The following SOBP variants were observed in gnomAD, a reference collection of about 807,000 sequenced individuals.
SOBP encodes sine oculis binding protein homolog, also known as sine oculis-binding protein homolog.
In SOBP, 4 loss-of-function variants were observed where a neutral mutation model predicts 53.6. That is an observed-to-expected ratio of 0.07 (90% CI 0.04 to 0.17). SOBP has a LOEUF of 0.17. Ranked by LOEUF, SOBP falls within the 10% of genes least tolerant of loss-of-function variation. The pLI is 1.00. For missense variants in SOBP, 1,088 were observed against 1,204.7 expected (o/e 0.90, Z 1.43); for synonymous variants, 584 against 522.6 (o/e 1.12, Z -1.60).
At chr6:107,547,290 G>C (rs1280656074) in intron 4 of SOBP, among the ~76,000 whole-genome samples, 1 of 152,152 alleles carries the variant, frequency 6.6e-6, no homozygotes, top group Non-Finnish European at 1.5e-5. Flanking sequence ...AGGAGAACTT[G>C]GTCCCATCTG....
intron 4 of SOBP, among the ~76,000 whole-genome samples, chr6:107,535,613 TTGTGTGTG>T (rs561695029): frequency 2.0e-5 from 3 of 148,074 alleles, no homozygotes; most frequent in East Asian, 2.0e-4. Context: ...CTATGCCTTC[TTGTGTGTG>T]TGTGTGTGTG....
intron 5 of SOBP, among the ~76,000 whole-genome samples, chr6:107,604,899 T>C (rs1339992747): frequency 6.6e-6 from 1 of 152,338 alleles, no homozygotes; most frequent in East Asian, 1.9e-4. Flanking sequence ...GTGAAGGGCA[T>C]TTATGTCACA....
At position 107,507,760 on chromosome 6, in the gene SOBP, T is replaced by C. The variant is rs576854994; in HGVS notation, c.421+1333T>C. ...ATATCTTCTCCAACAGAGTGTTTTC[T>C]AATTCCTGGAAAGCTCTCTTTGAGA... On this transcript the variant is annotated intron_variant, in intron 3 of 6. Coordinates refer to ENST00000317357, the MANE Select transcript of SOBP (RefSeq NM_018013.4). 6.6e-5 allele frequency among the ~76,000 whole-genome samples: 10 copies of C among 152,340 alleles called. No homozygotes were observed. The South Asian group carries it at 2.1e-3, about 32-fold the overall frequency.
chr6:107,585,851 C>G (rs1379704003), intron 4 of SOBP, among the ~76,000 whole-genome samples: 2 of 152,146 alleles, frequency 1.3e-5, no homozygotes, highest in Admixed American at 1.3e-4. Context: ...CCAGTATAGC[C>G]AGGGAGCTCT....
intron 1 of SOBP, among the ~76,000 whole-genome samples, chr6:107,498,746 G>A (rs1379094556): frequency 6.6e-6 from 1 of 152,160 alleles, no homozygotes; most frequent in African/African-American, 2.4e-5. Context: ...GTAAAATTTA[G>A]TTTCCACCTA....
chr6:107,566,597 G>A (rs1338348576), intron 4 of SOBP, among the ~76,000 whole-genome samples: 1 of 152,144 alleles, frequency 6.6e-6, no homozygotes, highest in Non-Finnish European at 1.5e-5. Context: ...ATTTTCTCTG[G>A]CTGTCTGCTC....
At position 107,661,276 on chromosome 6, in the gene SOBP, C is replaced by CA. The variant is rs1009380717; in HGVS notation, c.*3077dup. On this transcript the variant is annotated 3_prime_UTR_variant, in exon 7 of 7. Transcript: ENST00000317357. The stretch of plus-strand genomic sequence containing the variant: ...TGAATGCACAATTCTCTTGGGATAT[C>CA]AAAACCATATATAAAGAGAAATAGA... Among the ~76,000 whole-genome samples, 1 of 152,170 alleles carries CA rather than the reference C, an allele frequency of 6.6e-6. No individual in the cohort carries two copies. Among genetic ancestry groups the CA allele is most frequent in the African/African-American group, 2.4e-5 (1 of 41,420 alleles).
chr6:107,615,289 G>C (rs1786744976), intron 5 of SOBP, among the ~76,000 whole-genome samples: 1 of 152,196 alleles, frequency 6.6e-6, no homozygotes, highest in Non-Finnish European at 1.5e-5. Context: ...TAGGGTAGGA[G>C]TAATGAAATA....
chr6:107,647,484 G>A lies in SOBP; in HGVS notation c.*4-10723G>A, dbSNP rs545423636. 8.5e-4 allele frequency among the ~76,000 whole-genome samples: 129 copies of A among 152,304 alleles called. 1 individual carries two copies. The highest frequency in any genetic ancestry group is 3.4e-3 in the Middle Eastern group (1 of 294). On this transcript the variant is annotated intron_variant, in intron 6 of 6. Transcript: ENST00000317357. ...AAAATGTCCGGGAGCTACCTGGCTC[G>A]TAGTAGATGCTTATTACAAAAATTG...
At chr6:107,511,571 A>G (rs1261324837) in intron 3 of SOBP, 1 of 152,202 alleles carries the variant, frequency 6.6e-6, no homozygotes, top group Non-Finnish European at 1.5e-5. Flanking sequence ...GATCCCATCC[A>G]TGTCTTGGCA....
chr6:107,491,757 A>G (rs1400996621), intron 1 of SOBP, among the ~76,000 whole-genome samples: 2 of 152,152 alleles, frequency 1.3e-5, no homozygotes, highest in African/African-American at 2.4e-5. Flanking sequence ...TCTGCATGAA[A>G]TCCTTAATAC....
intron 5 of SOBP, among the ~76,000 whole-genome samples, chr6:107,607,358 G>C (rs1002107537): frequency 2.0e-5 from 3 of 152,214 alleles, no homozygotes; most frequent in African/African-American, 7.2e-5. Flanking sequence ...TTCTGGGACA[G>C]GCCCAACATG....
intron 5 of SOBP, among the ~76,000 whole-genome samples, chr6:107,619,435 A>C (rs1484369176): frequency 6.6e-6 from 1 of 152,192 alleles, no homozygotes; most frequent in Non-Finnish European, 1.5e-5. Flanking sequence ...GGCAGCCTGC[A>C]CTGAGAACCT....
chr6:107,629,529 G>C (rs1425729666), intron 5 of SOBP, among the ~76,000 whole-genome samples: 3 of 152,054 alleles, frequency 2.0e-5, no homozygotes, highest in Non-Finnish European at 4.4e-5. Context: ...TGACTTTGAC[G>C]TTTATATAAA....
chr6:107,490,578 A>C lies in SOBP; in HGVS notation c.-39A>C. The C allele has an allele frequency of 6.7e-7, 1 of 1,494,366 alleles. No individual in the cohort carries two copies. Among genetic ancestry groups the C allele is most frequent in the Admixed American group, 1.9e-5 (1 of 53,240 alleles). The allele number at this position is 1,494,366 out of a possible 1,614,324, so 92.6% of individuals were successfully genotyped here. ...CGCCACCACCACCGCCGGCGGCGGCAGCAGCCATTTCATCTCCACAGAAAC... is the reference window on the plus strand; with the variant it reads ...CGCCACCACCACCGCCGGCGGCGGCCGCAGCCATTTCATCTCCACAGAAAC... On this transcript the variant is annotated 5_prime_UTR_variant, in exon 1 of 7. Coordinates refer to ENST00000317357, the MANE Select transcript of SOBP (RefSeq NM_018013.4).
At chr6:107,531,453 A>G (rs1562593515) in intron 3 of SOBP, among the ~76,000 whole-genome samples, 1 of 152,196 alleles carries the variant, frequency 6.6e-6, no homozygotes, top group Non-Finnish European at 1.5e-5. Context: ...AAGATAGGTG[A>G]ATATTTTAAA....
chr6:107,585,019 G>A (rs1441773334), intron 4 of SOBP, among the ~76,000 whole-genome samples: 1 of 152,108 alleles, frequency 6.6e-6, no homozygotes, highest in East Asian at 1.9e-4. Context: ...AGTAGCCCTT[G>A]AAAATTATAT....
intron 5 of SOBP, among the ~76,000 whole-genome samples, chr6:107,592,740 C>T (rs2115068136): frequency 6.6e-6 from 1 of 152,204 alleles, no homozygotes; most frequent in South Asian, 2.1e-4. Flanking sequence ...CAGAAAATCC[C>T]AGGGGGACTG....
intron 3 of SOBP, among the ~76,000 whole-genome samples, chr6:107,522,523 G>T (rs1228742858): frequency 6.9e-6 from 1 of 144,190 alleles, no homozygotes; most frequent in East Asian, 2.0e-4. Flanking sequence ...GAATGATTGG[G>T]TGTAGTATAA....
Sources: gnomAD v4.1 joint callset for allele counts (sites outside exome capture counted in the v4.1 genomes callset) on GRCh38, gnomAD v4.1.1 for gene constraint, MANE v1.5 for transcripts, NCBI Gene and HGNC (gene_info 2026-07-23, HGNC 2026-07-21) for gene names.